The following CHMP3 variants were observed in gnomAD, a reference collection of about 807,000 sequenced individuals.
The protein encoded by CHMP3 is charged multivesicular body protein 3.
Under a neutral mutation model 27.4 loss-of-function variants are expected in CHMP3, and 8 were observed. The observed-to-expected ratio is 0.29, with a 90% CI of 0.17 to 0.53. The LOEUF (loss-of-function observed/expected upper bound fraction) is 0.53. Among genes scored for constraint, CHMP3 ranks in the 20% least tolerant of loss-of-function variants. The pLI is 0.96. For missense variants in CHMP3, 208 were observed against 271.5 expected (o/e 0.77, Z 1.64); for synonymous variants, 86 against 85.5 (o/e 1.01, Z -0.03).
intron 3 of CHMP3, among the ~76,000 whole-genome samples, chr2:86,523,412 A>G (rs1675587377): frequency 6.6e-6 from 1 of 152,156 alleles, no homozygotes; most frequent in Non-Finnish European, 1.5e-5. Flanking sequence ...TGATTATTAA[A>G]TTTATTATTT....
chr2:86,532,625 T>G (rs1331127298), intron 2 of CHMP3, among the ~76,000 whole-genome samples: 1 of 152,280 alleles, frequency 6.6e-6, no homozygotes, highest in Non-Finnish European at 1.5e-5. Context: ...TTCCTAGTTG[T>G]TGTTTTTAGC....
At chr2:86,544,340 CTT>C (rs1158237640) in intron 1 of CHMP3, among the ~76,000 whole-genome samples, 15 of 129,004 alleles carry the variant, frequency 1.2e-4, no homozygotes, top group South Asian at 2.5e-4. Flanking sequence ...TTTACATTTT[CTT>C]TTTTTTTTTT....
intron 2 of CHMP3, among the ~76,000 whole-genome samples, chr2:86,538,421 G>C (rs1318023370): frequency 6.6e-6 from 1 of 152,134 alleles, no homozygotes; most frequent in African/African-American, 2.4e-5. Flanking sequence ...AAGATGGTCA[G>C]CTTTATGTAA....
intron 1 of CHMP3, among the ~76,000 whole-genome samples, chr2:86,544,571 ATC>A (rs1338463114): frequency 6.6e-6 from 1 of 152,150 alleles, no homozygotes; most frequent in Non-Finnish European, 1.5e-5. Flanking sequence ...GCCTTCAAGC[ATC>A]TGTTTAACAA....
chr2:86,528,976 C>T (rs74496310), intron 3 of CHMP3, among the ~76,000 whole-genome samples: 6,000 of 152,318 alleles, frequency 0.039, 172 homozygotes, highest in African/African-American at 0.079. Context: ...CGTGATAACA[C>T]TGTTCAATAC....
chr2:86,561,511 C>G (rs897413515), intron 1 of CHMP3: 1 of 152,176 alleles, frequency 6.6e-6, no homozygotes, highest in Admixed American at 6.5e-5. Context: ...ATTTTGAATT[C>G]TGACAAGATC....
intron 1 of CHMP3, among the ~76,000 whole-genome samples, chr2:86,544,887 C>T (rs537978517): frequency 4.6e-5 from 7 of 151,974 alleles, no homozygotes; most frequent in South Asian, 2.1e-4. Context: ...CCAGACGGGG[C>T]GACCGGGCAG....
intron 3 of CHMP3, among the ~76,000 whole-genome samples, chr2:86,514,726 ATG>A (rs1675230697): frequency 6.6e-6 from 1 of 152,234 alleles, no homozygotes; most frequent in Non-Finnish European, 1.5e-5. Flanking sequence ...CCCAGAAAGC[ATG>A]TGTTAGACTG....
At chr2:86,542,129 G>A in intron 2 of CHMP3, 123 bp downstream of exon 2, 1 of 991,896 alleles carries the variant, frequency 1.0e-6, no homozygotes. Context: ...CAGTCAGACA[G>A]CTATAAATAA....
At chr2:86,528,875 G>A (rs1216620066) in intron 3 of CHMP3, among the ~76,000 whole-genome samples, 1 of 152,092 alleles carries the variant, frequency 6.6e-6, no homozygotes, top group Non-Finnish European at 1.5e-5. Context: ...GGCTGCTCTG[G>A]ACCTAGGACA....
At chr2:86,510,619 G>C (rs976629017) in intron 3 of CHMP3, 140 bp from the exon 4 acceptor site, 1 of 1,197,034 alleles carries the variant, frequency 8.4e-7, no homozygotes, top group Non-Finnish European at 1.1e-6. Flanking sequence ...ATTAATTACT[G>C]TGCTAGTTGA....
chr2:86,505,815 G>A lies in CHMP3; in HGVS notation c.658C>T (p.Leu220Phe). 1 of 1,586,274 alleles carries A rather than the reference G, an allele frequency of 6.3e-7. No homozygotes were observed. The change falls in exon 6 of 6, where the codon CTC becomes TTC. Residue 220 changes from leucine (L) to phenylalanine (F), a missense_variant. Transcript: ENST00000263856. ...GGGGTAGGCAGCCCCTAGCTGCGGA[G>A]TGTGGCCAGCCGGGACTGCATGGCC... ...LEAMQSRLAT[L>F]RS
In CHMP3 at chr2:86,563,317, G is replaced by A; in HGVS notation, c.32C>T (p.Pro11Leu). 6.2e-7 allele frequency: 1 copy of A among 1,614,092 alleles called. No individual in the cohort carries two copies. The highest frequency in any genetic ancestry group is 8.5e-7 in the Non-Finnish European group (1 of 1,179,962). The change falls in exon 1 of 6, where the codon CCG (proline) becomes CTG (leucine). Residue 11 changes from proline to leucine, a missense_variant. Coordinates refer to ENST00000263856, the MANE Select transcript of CHMP3 (RefSeq NM_016079.4). ...CGTAGCCCTTACCAGTTCTTTGGGC[G>A]GCTTCTCCTGGGTCTTTCCAAACAG... is the stretch of plus-strand genomic sequence containing the variant. MGLFGKTQEKPPKELVNEWSL... is the reference protein window; with the variant it reads MGLFGKTQEKLPKELVNEWSL...
chr2:86,510,891 G>C (rs1345616034), intron 3 of CHMP3: 3 of 178,360 alleles, frequency 1.7e-5, no homozygotes, highest in Non-Finnish European at 3.6e-5. Context: ...CCTATGGACA[G>C]TATCTGTTCA....
intron 2 of CHMP3, among the ~76,000 whole-genome samples, chr2:86,532,585 T>C (rs1419302268): frequency 1.3e-5 from 2 of 152,116 alleles, no homozygotes; most frequent in Non-Finnish European, 2.9e-5. Flanking sequence ...TCATACATGG[T>C]TTTTACTATG....
At chr2:86,519,578 C>T (rs1675446050) in intron 3 of CHMP3, among the ~76,000 whole-genome samples, 1 of 152,176 alleles carries the variant, frequency 6.6e-6, no homozygotes, top group South Asian at 2.1e-4. Flanking sequence ...ATAAAATAAA[C>T]ATTCATATGA....
At chr2:86,526,996 G>A (rs1173825182) in intron 3 of CHMP3, 1 of 152,086 alleles carries the variant, frequency 6.6e-6, no homozygotes, top group Non-Finnish European at 1.5e-5. Flanking sequence ...TCTCTGGAGA[G>A]GTTGGGAGAG....
chr2:86,541,130 T>C (rs1451396794), intron 2 of CHMP3: 3 of 152,236 alleles, frequency 2.0e-5, no homozygotes, highest in Non-Finnish European at 2.9e-5. Flanking sequence ...ATCCTTATTA[T>C]TAAGGTGTGA....
intron 1 of CHMP3, among the ~76,000 whole-genome samples, chr2:86,546,043 A>T (rs950152059): frequency 5.3e-5 from 8 of 152,192 alleles, no homozygotes; most frequent in African/African-American, 1.9e-4. Flanking sequence ...GCGAGCTGAG[A>T]TCACGCCACT....
Sources: gnomAD v4.1 joint callset for allele counts (sites outside exome capture counted in the v4.1 genomes callset) on GRCh38, gnomAD v4.1.1 for gene constraint, MANE v1.5 for transcripts, NCBI Gene and HGNC (gene_info 2026-07-23, HGNC 2026-07-21) for gene names.